The following PIBF1 variants were observed in gnomAD, a reference collection of about 807,000 sequenced individuals.
PIBF1 encodes progesterone immunomodulatory binding factor 1, also known as progesterone-induced-blocking factor 1.
PIBF1 carries 90 observed loss-of-function variants against 112.5 expected under a neutral mutation model. That is an observed-to-expected ratio of 0.80 (90% CI 0.67 to 0.95). The LOEUF is 0.95. PIBF1 is among the 40% of genes least tolerant of loss of function. The pLI, the probability that PIBF1 is intolerant of heterozygous loss-of-function variation, is 0.00. For synonymous variants in PIBF1, 301 were observed against 288.6 expected (o/e 1.04, Z -0.44); for missense variants, 915 against 852.3 (o/e 1.07, Z -0.92).
At chr13:72,865,289 A>T (rs1369914646) in intron 10 of PIBF1, among the ~76,000 whole-genome samples, 6 of 152,184 alleles carry the variant, frequency 3.9e-5, no homozygotes, top group Admixed American at 1.3e-4. Flanking sequence ...AGGCAGTAGT[A>T]TGTTTTCTGT....
At chr13:72,995,431 G>T (rs952520561) in intron 16 of PIBF1, among the ~76,000 whole-genome samples, 1 of 152,076 alleles carries the variant, frequency 6.6e-6, no homozygotes, top group African/African-American at 2.4e-5. Flanking sequence ...TGCGACATGG[G>T]TGCATAAATA....
chr13:72,991,719 A>ATT (rs762467681), intron 16 of PIBF1, among the ~76,000 whole-genome samples: 4 of 135,850 alleles, frequency 2.9e-5, no homozygotes, highest in African/African-American at 2.7e-5. Context: ...CCCCATCTCA[A>ATT]TTTTTTTTTT....
At chr13:72,999,243 G>A (rs1222877822) in intron 17 of PIBF1, among the ~76,000 whole-genome samples, 2 of 151,698 alleles carry the variant, frequency 1.3e-5, no homozygotes, top group Non-Finnish European at 2.9e-5. Context: ...GAAATGCATT[G>A]TTAGCTAAAA....
intron 14 of PIBF1, among the ~76,000 whole-genome samples, chr13:72,931,850 C>A (rs1362230013): frequency 6.7e-6 from 1 of 149,046 alleles, no homozygotes; most frequent in African/African-American, 2.4e-5. Context: ...ACCGGAGGTA[C>A]TACTTTGCTA....
intron 5 of PIBF1, among the ~76,000 whole-genome samples, chr13:72,820,291 C>G (rs1387073556): frequency 2.6e-5 from 4 of 152,146 alleles, no homozygotes; most frequent in African/African-American, 7.2e-5. Flanking sequence ...ACACTATACT[C>G]TCTTCCAAAA....
intron 17 of PIBF1, among the ~76,000 whole-genome samples, chr13:73,013,300 CAAAAAAAAAAAAA>C (rs869055620): frequency 1.4e-4 from 2 of 14,674 alleles, no homozygotes; most frequent in Non-Finnish European, 3.3e-4. Context: ...GACTCTGTCT[CAAAAAAAAAAAAA>C]AAAAAAAAAA....
intron 11 of PIBF1, among the ~76,000 whole-genome samples, chr13:72,898,049 C>A (rs535622365): frequency 2.2e-4 from 33 of 152,214 alleles, no homozygotes; most frequent in Admixed American, 9.8e-4. Flanking sequence ...CCAAGATAGA[C>A]CATCTGATAG....
chr13:73,005,043 A>G (rs1471821506), intron 17 of PIBF1, among the ~76,000 whole-genome samples: 1 of 151,994 alleles, frequency 6.6e-6, no homozygotes, highest in Non-Finnish European at 1.5e-5. Context: ...AAATTAGCCA[A>G]GCGTGGTGGT....
chr13:72,965,235 C>A (rs757572758), intron 14 of PIBF1, 39 bp from the exon 15 acceptor site: 17 of 1,579,598 alleles, frequency 1.1e-5, no homozygotes, highest in South Asian at 2.3e-5. Context: ...ATTTTGTTGT[C>A]ACATTTTCTA....
intron 9 of PIBF1, among the ~76,000 whole-genome samples, chr13:72,838,779 G>C (rs1048288388): frequency 1.3e-5 from 2 of 152,096 alleles, no homozygotes; most frequent in Non-Finnish European, 2.9e-5. Flanking sequence ...CTCAAATATA[G>C]AAGTACGGAG....
At chr13:72,783,337 G>A in intron 1 of PIBF1, 86 bp from the exon 2 acceptor site, 1 of 643,948 alleles carries the variant, frequency 1.6e-6, no homozygotes. Context: ...ATTTATTTAA[G>A]GAATCCTTAG....
chr13:72,987,741 G>C (rs1467350435), intron 16 of PIBF1, among the ~76,000 whole-genome samples: 1 of 148,550 alleles, frequency 6.7e-6, no homozygotes, highest in Admixed American at 6.7e-5. Context: ...CAAACTCCTG[G>C]ACTCAAGCAA....
At chr13:73,009,217 GC>G (rs1432296584) in intron 17 of PIBF1, among the ~76,000 whole-genome samples, 1 of 152,204 alleles carries the variant, frequency 6.6e-6, no homozygotes, top group Non-Finnish European at 1.5e-5. Context: ...AACATCTTCA[GC>G]TTATATCCCA....
chr13:72,881,716 GAAAA>G (rs973383603), intron 10 of PIBF1, among the ~76,000 whole-genome samples: 1 of 99,612 alleles, frequency 1.0e-5, no homozygotes, highest in South Asian at 3.2e-4. Flanking sequence ...ACTCCATCTT[GAAAA>G]AAAAAAAAAA....
At chr13:73,012,905 A>G (rs1258337465) in intron 17 of PIBF1, among the ~76,000 whole-genome samples, 1 of 152,096 alleles carries the variant, frequency 6.6e-6, no homozygotes, top group Admixed American at 6.6e-5. Context: ...AAGAGAAGAA[A>G]TATTTGAAAC....
intron 17 of PIBF1, among the ~76,000 whole-genome samples, chr13:73,003,291 C>T (rs998228449): frequency 4.6e-5 from 7 of 151,116 alleles, no homozygotes; most frequent in Non-Finnish European, 8.8e-5. Flanking sequence ...CTCACGCTGT[C>T]GCCCAAGCTA....
chr13:72,811,077 G>T (rs1566300112), intron 5 of PIBF1, among the ~76,000 whole-genome samples: 1 of 152,082 alleles, frequency 6.6e-6, no homozygotes, highest in Non-Finnish European at 1.5e-5. Context: ...AGCCAGGATG[G>T]TCTTGATCTC....
chr13:73,014,089 T>G (rs1372527415), intron 17 of PIBF1, among the ~76,000 whole-genome samples: 1 of 131,234 alleles, frequency 7.6e-6, no homozygotes, highest in African/African-American at 2.8e-5. Flanking sequence ...CCCTCCCCCT[T>G]TTTCCTCCCT....
intron 9 of PIBF1, among the ~76,000 whole-genome samples, chr13:72,846,910 C>T (rs1428896932): frequency 6.6e-6 from 1 of 152,062 alleles, no homozygotes; most frequent in Non-Finnish European, 1.5e-5. Flanking sequence ...ACTCAATATA[C>T]GTAATATTTA....
Sources: allele counts gnomAD v4.1 joint callset (sites outside exome capture counted in the v4.1 genomes callset), GRCh38; gene constraint gnomAD v4.1.1; transcripts MANE v1.5; gene names NCBI Gene and HGNC (gene_info 2026-07-23, HGNC 2026-07-21).